SPOCK3: variants seen among roughly 807,000 people sequenced by gnomAD.
SPOCK3 encodes the protein SPARC (osteonectin), cwcv and kazal like domains proteoglycan 3, also known as testican-3.
In SPOCK3, 30 loss-of-function variants were observed where a neutral mutation model predicts 56.6. The observed-to-expected ratio is 0.53, with a 90% CI of 0.40 to 0.72. SPOCK3 has a LOEUF of 0.72. SPOCK3 is among the 30% of genes least tolerant of loss of function. The probability of loss-of-function intolerance (pLI) is 0.00; values close to 1 mark genes in which losing one functional copy is unlikely to be tolerated. For synonymous variants in SPOCK3, 196 were observed against 183.3 expected (o/e 1.07, Z -0.56); for missense variants, 527 against 530.0 (o/e 0.99, Z 0.06).
chr4:166,900,240 A>C (rs1735892517), intron 5 of SPOCK3, among the ~76,000 whole-genome samples: 3 of 152,180 alleles, frequency 2.0e-5, no homozygotes, highest in Admixed American at 1.3e-4. Flanking sequence ...ACAACAGTGC[A>C]CTTTTTATCA....
intron 2 of SPOCK3, among the ~76,000 whole-genome samples, chr4:167,125,208 T>TG (rs1762168783): frequency 6.8e-6 from 1 of 147,814 alleles, no homozygotes; most frequent in Non-Finnish European, 1.5e-5. Context: ...TATTTATTTA[T>TG]TTATTTATTT....
chr4:166,775,107 G>A (rs1266619351), intron 7 of SPOCK3, among the ~76,000 whole-genome samples: 2 of 152,130 alleles, frequency 1.3e-5, no homozygotes, highest in Non-Finnish European at 2.9e-5. Context: ...CTATCTGGGG[G>A]AGTGAGGGAA....
intron 4 of SPOCK3, among the ~76,000 whole-genome samples, chr4:166,952,582 ACTT>A (rs1742799991): frequency 6.6e-6 from 1 of 152,176 alleles, no homozygotes; most frequent in Admixed American, 6.5e-5. Context: ...GGAAAAAACT[ACTT>A]TAAAGTTCAT....
intron 6 of SPOCK3, among the ~76,000 whole-genome samples, chr4:166,873,465 G>C (rs1732714003): frequency 6.6e-6 from 1 of 152,094 alleles, no homozygotes; most frequent in Non-Finnish European, 1.5e-5. Flanking sequence ...CAGTATGATG[G>C]AGGATGTTGA....
intron 5 of SPOCK3, among the ~76,000 whole-genome samples, chr4:166,907,705 C>T (rs919166012): frequency 3.3e-5 from 5 of 152,044 alleles, no homozygotes; most frequent in African/African-American, 1.2e-4. Flanking sequence ...GATTTCATAC[C>T]AGGGACTTTA....
intron 9 of SPOCK3, among the ~76,000 whole-genome samples, chr4:166,738,831 G>A (rs1022857169): frequency 4.4e-4 from 67 of 151,750 alleles, no homozygotes; most frequent in African/African-American, 1.4e-3. Context: ...AGTATTCCAT[G>A]GTGTATATGT....
chr4:167,148,545 C>A (rs1207765610), intron 2 of SPOCK3, among the ~76,000 whole-genome samples: 1 of 152,020 alleles, frequency 6.6e-6, no homozygotes, highest in Non-Finnish European at 1.5e-5. Flanking sequence ...AAAAGGAGGG[C>A]AATATAATTA....
chr4:166,839,001 T>C (rs1316005678), intron 6 of SPOCK3, among the ~76,000 whole-genome samples: 1 of 151,880 alleles, frequency 6.6e-6, no homozygotes, highest in African/African-American at 2.4e-5. Flanking sequence ...AACATATCTA[T>C]CTTATGAGGA....
chr4:167,001,830 C>T (rs1748981939), intron 3 of SPOCK3, among the ~76,000 whole-genome samples: 1 of 152,102 alleles, frequency 6.6e-6, no homozygotes, highest in Admixed American at 6.6e-5. Flanking sequence ...CCAGGCTGAC[C>T]AGCGGAAATA....
chr4:166,788,601 C>G (rs991130763), intron 7 of SPOCK3, among the ~76,000 whole-genome samples: 3 of 151,588 alleles, frequency 2.0e-5, no homozygotes, highest in African/African-American at 7.2e-5. Context: ...TTCATAATAT[C>G]TGCTTATTTA....
intron 5 of SPOCK3, among the ~76,000 whole-genome samples, chr4:166,893,290 A>T (rs1033028394): frequency 6.6e-6 from 1 of 152,172 alleles, no homozygotes; most frequent in Non-Finnish European, 1.5e-5. Context: ...TATTTCCCTT[A>T]GGAATTTTTT....
chr4:166,965,389 ATTG>A (rs953745646), intron 4 of SPOCK3, among the ~76,000 whole-genome samples: 2 of 134,068 alleles, frequency 1.5e-5, no homozygotes, highest in African/African-American at 5.7e-5. Context: ...ATTTTCTATT[ATTG>A]TTTTTTTTTT....
chr4:167,125,439 C>T (rs1446609367), intron 2 of SPOCK3, among the ~76,000 whole-genome samples: 2 of 148,300 alleles, frequency 1.3e-5, no homozygotes, highest in African/African-American at 4.9e-5. Flanking sequence ...CCCGGCCGGG[C>T]GCGGTGGCTC....
chr4:166,768,032 A>C (rs976023945), intron 7 of SPOCK3, among the ~76,000 whole-genome samples: 1 of 146,872 alleles, frequency 6.8e-6, no homozygotes, highest in African/African-American at 2.5e-5. Flanking sequence ...TTTGTTTTAC[A>C]TTTGTCTGGT....
intron 6 of SPOCK3, among the ~76,000 whole-genome samples, chr4:166,821,371 A>G (rs1459462355): frequency 2.0e-5 from 3 of 152,064 alleles, no homozygotes. Flanking sequence ...ACATTTTGAA[A>G]AACGGTTTGG....
intron 4 of SPOCK3, among the ~76,000 whole-genome samples, chr4:166,982,331 T>C (rs1746673290): frequency 6.6e-6 from 1 of 152,238 alleles, no homozygotes; most frequent in South Asian, 2.1e-4. Flanking sequence ...ATCTCTTTTA[T>C]CCATCATTTA....
At chr4:167,098,152 G>C (rs1759323264) in intron 2 of SPOCK3, among the ~76,000 whole-genome samples, 1 of 151,890 alleles carries the variant, frequency 6.6e-6, no homozygotes, top group South Asian at 2.1e-4. Context: ...TTTTCTACTG[G>C]AAACTAAGTC....
intron 7 of SPOCK3, among the ~76,000 whole-genome samples, chr4:166,774,579 A>G (rs560023817): frequency 1.8e-4 from 27 of 152,274 alleles, no homozygotes; most frequent in African/African-American, 6.3e-4. Context: ...ATCCACAGTA[A>G]ATATTCTTGT....
chr4:166,783,414 A>T (rs1294951631), intron 7 of SPOCK3, among the ~76,000 whole-genome samples: 1 of 152,172 alleles, frequency 6.6e-6, no homozygotes, highest in Non-Finnish European at 1.5e-5. Flanking sequence ...AACATTTTCT[A>T]CCTCATGAAA....
Sources: gnomAD v4.1 joint callset for allele counts (sites outside exome capture counted in the v4.1 genomes callset) on GRCh38, gnomAD v4.1.1 for gene constraint, MANE v1.5 for transcripts, NCBI Gene and HGNC (gene_info 2026-07-23, HGNC 2026-07-21) for gene names.